Variants in ZNF584 observed in about 807,000 individuals in gnomAD.
ZNF584 encodes the protein zinc finger protein 584.
ZNF584 carries 12 observed loss-of-function variants against 14.7 expected under a neutral mutation model. That is an observed-to-expected ratio of 0.82 (90% CI 0.52 to 1.32). The LOEUF (loss-of-function observed/expected upper bound fraction) is 1.32. Ranked by LOEUF, ZNF584 falls within the 40% of genes most tolerant of loss-of-function variation. ZNF584 has a pLI of 0.00. For synonymous variants in ZNF584, 204 were observed against 190.9 expected (o/e 1.07, Z -0.57); for missense variants, 478 against 518.8 (o/e 0.92, Z 0.76).
Position 58,416,856 on chromosome 19 carries a change from T to C in ZNF584, c.338T>C (p.Leu113Pro). 6.3e-7 allele frequency: 1 copy of C among 1,585,428 alleles called. No homozygotes were observed. Among genetic ancestry groups the C allele is most frequent in the Non-Finnish European group, 8.6e-7 (1 of 1,166,956 alleles). Residue 113 changes from leucine to proline, a missense_variant, in exon 4 of 4, where the codon CTA (leucine) becomes CCA (proline). By Grantham distance (98) the Leu-to-Pro change is moderately conservative. Transcript: ENST00000306910. ...VEDERAHPEH[L>P]KSYRVIQHQD... ...GATGAGAGAGCCCATCCTGAGCATC[T>C]AAAGAGCTACAGAGTCATCCAGCAC...
chr19:58,409,582 G>C (rs1461469868), intron 1 of ZNF584, among the ~76,000 whole-genome samples: 2 of 152,178 alleles, frequency 1.3e-5, no homozygotes, highest in Admixed American at 1.3e-4. Context: ...GCGTCTGAGA[G>C]GTATGATCTC....
rs765022201 is a variant in ZNF584 at position 58,415,797 on chromosome 19, C to T, written c.292+151C>T. The T allele has an allele frequency of 2.5e-6, 4 of 1,607,546 alleles. 1 individual carries two copies. Among genetic ancestry groups the T allele is most frequent in the Non-Finnish European group, 3.4e-6 (4 of 1,179,820 alleles). The stretch of plus-strand genomic sequence containing the variant: ...TCTTATGTGGACACTGTGCAGTCTG[C>T]CATCTCTACCATGATTTTCAGGCCC... On this transcript the variant is annotated intron_variant, in intron 3 of 3. Coordinates refer to ENST00000306910, the MANE Select transcript of ZNF584 (RefSeq NM_173548.3).
upstream of ZNF584, chr19:58,406,773 G>C (rs1202804061): frequency 5.9e-5 from 9 of 152,404 alleles, no homozygotes; most frequent in African/African-American, 2.2e-4. Context: ...GGGCAATCCT[G>C]TGGGGGAATG....
At chr19:58,412,967 T>C (rs2052595447) in intron 2 of ZNF584, among the ~76,000 whole-genome samples, 1 of 152,214 alleles carries the variant, frequency 6.6e-6, no homozygotes, top group African/African-American at 2.4e-5. Context: ...TTCATTATTT[T>C]TTAATTTTTA....
In ZNF584 at chr19:58,414,597, C is replaced by A. The variant is rs1171546965; in HGVS notation, c.170-927C>A. The stretch of plus-strand genomic sequence containing the variant: ...GACCTCATGATCTGCCCGTCTCGGC[C>A]TCCCAAAGTGCTGGGATTACAGGCA... On this transcript the variant is annotated intron_variant, in intron 2 of 3. Coordinates refer to ENST00000306910, the MANE Select transcript of ZNF584 (RefSeq NM_173548.3). Among the ~76,000 whole-genome samples, 2 of 152,064 alleles carry A rather than the reference C, an allele frequency of 1.3e-5. 1 individual carries two copies.
upstream of ZNF584, chr19:58,405,103 C>G (rs1169512147): frequency 6.9e-6 from 1 of 144,706 alleles, no homozygotes; most frequent in Non-Finnish European, 1.5e-5. Flanking sequence ...CTCCTCACTT[C>G]CCAGTAGGGG....
chr19:58,417,651 A>T lies in ZNF584; in HGVS notation c.1133A>T (p.Glu378Val). 6.2e-7 allele frequency: 1 copy of T among 1,613,964 alleles called. No individual in the cohort carries two copies. The highest frequency in any genetic ancestry group is 8.5e-7 in the Non-Finnish European group (1 of 1,179,916). ...YRNRHQQFHT[E>V]ERSYECTECG... is the part of the protein sequence containing the mutation. ...AATCGGCACCAGCAGTTCCACACTG[A>T]AGAGAGGTCTTATGAATGTACAGAG... Residue 378 changes from glutamate (E) to valine (V), a missense_variant, in exon 4 of 4, where the codon GAA (glutamate) becomes GTA (valine). Physicochemically the swap from Glu to Val is moderately radical, Grantham distance 121. Coordinates refer to ENST00000306910, the MANE Select transcript of ZNF584 (RefSeq NM_173548.3).
At chr19:58,403,699 G>C (rs1331681449), upstream of ZNF584, among the ~76,000 whole-genome samples, 1 of 152,064 alleles carries the variant, frequency 6.6e-6, no homozygotes, top group Non-Finnish European at 1.5e-5. Context: ...GGCCGGGTGC[G>C]GTAGCTCATG....
chr19:58,415,059 AT>A (rs35880668), intron 2 of ZNF584, among the ~76,000 whole-genome samples: 71,932 of 151,212 alleles, frequency 0.48, 17,314 homozygotes, highest in African/African-American at 0.53. Context: ...CATCCGCCTG[AT>A]TTTTTTGTAT....
At chr19:58,401,906 A>AAAAAAG (rs1386954920) in intron 1 of ZNF584, among the ~76,000 whole-genome samples, 1 of 118,518 alleles carries the variant, frequency 8.4e-6, no homozygotes, top group South Asian at 2.6e-4. Context: ...AAAAAAAAAG[A>AAAAAAG]TTTTTTTTTT....
upstream of ZNF584, among the ~76,000 whole-genome samples, chr19:58,404,068 G>A (rs1186373191): frequency 6.6e-6 from 1 of 151,966 alleles, no homozygotes; most frequent in Non-Finnish European, 1.5e-5. Context: ...GGTTAAGAGA[G>A]AACTTTGGTC....
chr19:58,417,742 G>T lies in ZNF584; in HGVS notation c.1224G>T (p.Arg408Ser), dbSNP rs761943487. ...LQHKKVHTPE[R>S]RQEDRAHGKV... is the part of the protein sequence containing the mutation. ...ACAAGAAAGTCCATACTCCAGAAAG[G>T]CGTCAGGAGGACAGGGCACATGGGA... is the stretch of plus-strand genomic sequence containing the variant. The change falls in exon 4 of 4, where the codon AGG (arginine) becomes AGT (serine). Residue 408 changes from arginine (R) to serine (S), a missense_variant. Arg to Ser is a moderately radical substitution (Grantham distance 110). Around this residue, in one of 3 missense-constraint regions of ZNF584, gnomAD observed 283 missense variants for 317.3 expected, o/e 0.89. Transcript: ENST00000306910. 10 of 1,613,562 alleles carry T rather than the reference G, an allele frequency of 6.2e-6. No homozygotes were observed. The highest frequency in any genetic ancestry group is 8.5e-6 in the Non-Finnish European group (10 of 1,179,620).
intron 3 of ZNF584, chr19:58,416,288 G>A (rs1393269985): frequency 2.0e-5 from 4 of 199,584 alleles, no homozygotes; most frequent in Non-Finnish European, 4.2e-5. Flanking sequence ...CCAGGCTGGA[G>A]TGCAGTGGCG....
Position 58,416,968 on chromosome 19 carries a change from A to G in ZNF584, c.450A>G (p.Gln150=). The change falls in exon 4 of 4, where the codon CAA becomes CAG. Residue 150 remains glutamine (Q), a synonymous_variant. Coordinates refer to ENST00000306910, the MANE Select transcript of ZNF584 (RefSeq NM_173548.3). The part of the protein sequence containing the change: ...FPPGSSCGQQ[Q]EVHVAEKLFK... ...CTGGTTCCAGTTGTGGGCAACAGCA[A>G]GAAGTCCATGTGGCAGAGAAGCTGT... 2 of 1,612,584 alleles carry G rather than the reference A, an allele frequency of 1.2e-6. No homozygotes were observed. Among genetic ancestry groups the G allele is most frequent in the East Asian group, 2.2e-5 (1 of 44,886 alleles).
rs1390484069 is a variant in ZNF584 at position 58,403,072 on chromosome 19, TAGAA to T, written n.92+1413_92+1416del. Among the ~76,000 whole-genome samples, 4 of 152,182 alleles carry T rather than the reference TAGAA, an allele frequency of 2.6e-5. No homozygotes were observed. In the South Asian group the frequency reaches 8.3e-4, roughly 31 times the overall value. ...AATGGGAACTCTCGTTTACTGCTGA[TAGAA>T]AGGCAAAATGGTATAGCCACTTTGG... On this transcript the variant is annotated intron_variant and non_coding_transcript_variant, in intron 1 of 3. Transcript: ENST00000594993.
In ZNF584 at chr19:58,416,825, G is replaced by C. The variant is rs1286765967; in HGVS notation, c.307G>C (p.Val103Leu). The C allele has an allele frequency of 6.4e-7, 1 of 1,553,104 alleles. No homozygotes were observed. The highest frequency in any genetic ancestry group is 2.2e-5 in the East Asian group (1 of 44,456). Residue 103 changes from valine to leucine, a missense_variant, in exon 4 of 4, where the codon GTG (valine) becomes CTG (leucine). Val to Leu is a conservative substitution (Grantham distance 32). Transcript: ENST00000306910. ...TCTGCTTTCAGATGGTTTGTGTAGAGTGGAGGATGAGAGAGCCCATCCTGA... is the reference window on the plus strand; with the variant it reads ...TCTGCTTTCAGATGGTTTGTGTAGACTGGAGGATGAGAGAGCCCATCCTGA... ...RGFGLDGLCRVEDERAHPEHL... is the reference protein window; with the variant it reads ...RGFGLDGLCRLEDERAHPEHL...
upstream of ZNF584, chr19:58,408,613 G>C (rs2052497079): frequency 6.5e-6 from 1 of 152,890 alleles, no homozygotes; most frequent in African/African-American, 2.4e-5. Flanking sequence ...TGTAGTTCAC[G>C]TCCCGCTTCA....
At chr19:58,410,595 A>AAG (rs2052545065) in intron 2 of ZNF584, among the ~76,000 whole-genome samples, 2 of 35,098 alleles carry the variant, frequency 5.7e-5, no homozygotes, top group African/African-American at 5.7e-4. Flanking sequence ...ATATATATGT[A>AAG]TATATATGTA....
chr19:58,413,905 G>A (rs1038329927), intron 2 of ZNF584, among the ~76,000 whole-genome samples: 4 of 151,608 alleles, frequency 2.6e-5, no homozygotes, highest in East Asian at 1.9e-4. Flanking sequence ...TGCAAGCTCC[G>A]CCTCCTGGAT....
Sources: allele counts gnomAD v4.1 joint callset (sites outside exome capture counted in the v4.1 genomes callset), GRCh38; gene constraint gnomAD v4.1.1; regional missense constraint gnomAD v4.1.1; transcripts MANE v1.5; gene names NCBI Gene and HGNC (gene_info 2026-07-23, HGNC 2026-07-21).